PTPRD: variants seen among roughly 807,000 people sequenced by gnomAD.
The protein encoded by PTPRD is receptor-type tyrosine-protein phosphatase delta.
A neutral mutation model predicts 214.5 loss-of-function variants in PTPRD; 34 were observed. The observed-to-expected ratio is 0.16, with a 90% confidence interval of 0.12 to 0.21. The LOEUF (loss-of-function observed/expected upper bound fraction) is 0.21. Among genes scored for constraint, PTPRD ranks in the 10% least tolerant of loss-of-function variants. The pLI, the probability that PTPRD is intolerant of heterozygous loss-of-function variation, is 1.00. For synonymous variants in PTPRD, 1,128 were observed against 845.7 expected (o/e 1.33, Z -5.79); for missense variants, 2,545 against 2,398.7 (o/e 1.06, Z -1.27).
intron 2 of PTPRD, among the ~76,000 whole-genome samples, chr9:10,582,398 C>T (rs2072229516): frequency 6.6e-6 from 1 of 152,162 alleles, no homozygotes; most frequent in East Asian, 1.9e-4. Flanking sequence ...CAAAGTTATG[C>T]TAATATCAAT....
intron 10 of PTPRD, among the ~76,000 whole-genome samples, chr9:9,104,402 T>G (rs2099795607): frequency 6.6e-6 from 1 of 152,236 alleles, no homozygotes; most frequent in South Asian, 2.1e-4. Flanking sequence ...AAGATGGCTT[T>G]AGCCAACAGA....
At chr9:8,434,087 A>C (rs772705112) in intron 35 of PTPRD, among the ~76,000 whole-genome samples, 8 of 152,058 alleles carry the variant, frequency 5.3e-5, no homozygotes, top group Non-Finnish European at 1.2e-4. Context: ...GGTTCAAGCG[A>C]TTTTCCTGCC....
At chr9:9,685,520 T>G (rs1285203585) in intron 7 of PTPRD, among the ~76,000 whole-genome samples, 1 of 151,344 alleles carries the variant, frequency 6.6e-6, no homozygotes, top group Non-Finnish European at 1.5e-5. Context: ...GATATATATT[T>G]GAACTTAATT....
rs191324326 is a variant in PTPRD, at chr9:10,416,015, C to A, written c.-599-74998G>T. ...TTCCAAAATTAATTTTGAGAGACAA[C>A]AGAGACATTTTTTTCAAAGATAAGA... On this transcript the variant is annotated intron_variant, in intron 2 of 45. Coordinates refer to ENST00000381196, the MANE Select transcript of PTPRD (RefSeq NM_002839.4). Among the ~76,000 whole-genome samples the A allele has an allele frequency of 1.4e-3, 206 of 151,782 alleles. 2 individuals carry two copies. Among genetic ancestry groups the A allele is most frequent in the African/African-American group, 4.9e-3 (203 of 41,444 alleles).
At position 9,345,396 on chromosome 9, in the gene PTPRD, G is replaced by C. The variant is rs192612341; in HGVS notation, c.-203+52053C>G. 1.7e-3 allele frequency among the ~76,000 whole-genome samples: 256 copies of C among 152,138 alleles called. 1 individual carries two copies. Among genetic ancestry groups the C allele is most frequent in the African/African-American group, 5.6e-3 (232 of 41,528 alleles). ...ATCAGTATGAGACATGGGCAGAGGAGGCATGAAGGCAGAGGCTCAAGTACA... is the reference window on the plus strand; with the variant it reads ...ATCAGTATGAGACATGGGCAGAGGACGCATGAAGGCAGAGGCTCAAGTACA... On this transcript the variant is annotated intron_variant, in intron 9 of 45. Transcript: ENST00000381196.
chr9:10,137,946 T>C (rs976354860), intron 3 of PTPRD, among the ~76,000 whole-genome samples: 12 of 151,920 alleles, frequency 7.9e-5, no homozygotes, highest in Admixed American at 5.3e-4. Flanking sequence ...CTTAGAAATA[T>C]ACCAAATTAA....
At chr9:9,371,339 G>T (rs2059439472) in intron 9 of PTPRD, among the ~76,000 whole-genome samples, 1 of 152,076 alleles carries the variant, frequency 6.6e-6, no homozygotes, top group Non-Finnish European at 1.5e-5. Context: ...GTTTAGCGTT[G>T]GGAGGTTGTA....
At chr9:8,832,007 G>A (rs925503243) in intron 11 of PTPRD, among the ~76,000 whole-genome samples, 2 of 152,118 alleles carry the variant, frequency 1.3e-5, no homozygotes, top group South Asian at 4.1e-4. Context: ...CAGCATGACA[G>A]ATAAAAGGCA....
intron 3 of PTPRD, among the ~76,000 whole-genome samples, chr9:10,150,824 T>C (rs1023354482): frequency 6.6e-6 from 1 of 152,050 alleles, no homozygotes; most frequent in African/African-American, 2.4e-5. Context: ...GGTAGTAAGA[T>C]AACTTGTTTA....
chr9:10,134,330 C>A (rs2098926062), intron 3 of PTPRD, among the ~76,000 whole-genome samples: 1 of 152,138 alleles, frequency 6.6e-6, no homozygotes, highest in Admixed American at 6.5e-5. Context: ...ATGGGTGTGG[C>A]ACCAGTGATT....
At chr9:9,714,153 G>T (rs372085557) in intron 7 of PTPRD, among the ~76,000 whole-genome samples, 2 of 149,716 alleles carry the variant, frequency 1.3e-5, no homozygotes, top group East Asian at 3.9e-4. Context: ...AAAGCTTCCT[G>T]TATTTAAAGC....
intron 4 of PTPRD, among the ~76,000 whole-genome samples, chr9:9,939,522 A>T (rs2090773083): frequency 6.6e-6 from 1 of 152,146 alleles, no homozygotes; most frequent in Non-Finnish European, 1.5e-5. Flanking sequence ...TGCTTATCTG[A>T]ATCTTCAAAA....
At chr9:8,335,449 G>A (rs1179322764) in intron 43 of PTPRD, among the ~76,000 whole-genome samples, 26 of 152,062 alleles carry the variant, frequency 1.7e-4, no homozygotes, top group East Asian at 3.9e-4. Context: ...ACACCACTTT[G>A]TGCTAACAAC....
chr9:9,738,439 CTTTTTTTTT>C (rs71319292), intron 6 of PTPRD, among the ~76,000 whole-genome samples: 3 of 76,518 alleles, frequency 3.9e-5, no homozygotes, highest in South Asian at 5.4e-4. Flanking sequence ...CACTCACTCA[CTTTTTTTTT>C]TTTTTTTTTT....
intron 5 of PTPRD, among the ~76,000 whole-genome samples, chr9:9,923,965 A>T (rs1602317174): frequency 6.6e-6 from 1 of 152,048 alleles, no homozygotes. Flanking sequence ...AAATCTAAAC[A>T]TATGAAGGAT....
At chr9:9,827,104 ATCC>A (rs1161587753) in intron 5 of PTPRD, among the ~76,000 whole-genome samples, 4 of 152,080 alleles carry the variant, frequency 2.6e-5, no homozygotes, top group African/African-American at 2.4e-5. Context: ...ACTCAATGCC[ATCC>A]TCCCCATCAA....
intron 9 of PTPRD, among the ~76,000 whole-genome samples, chr9:9,358,911 T>C (rs2054907903): frequency 6.6e-6 from 1 of 151,372 alleles, no homozygotes; most frequent in South Asian, 2.1e-4. Flanking sequence ...CCAACCTTAC[T>C]GTTGCACCTC....
rs76162059 is a variant in PTPRD at position 9,383,931 on chromosome 9, G to C, written c.-203+13518C>G. ...TTTTTGCAACAGTAATTCAATGCTT[G>C]TTCCAGAAGTGATATCTAACCCTGC... is the stretch of plus-strand genomic sequence containing the variant. On this transcript the variant is annotated intron_variant, in intron 9 of 45. Coordinates refer to ENST00000381196, the MANE Select transcript of PTPRD (RefSeq NM_002839.4). 2.2e-3 allele frequency among the ~76,000 whole-genome samples: 338 copies of C among 152,020 alleles called. 4 individuals carry two copies. Among genetic ancestry groups the C allele is most frequent in the Non-Finnish European group, 4.0e-3 (274 of 67,948 alleles).
At chr9:9,391,851 C>T (rs978758764) in intron 9 of PTPRD, among the ~76,000 whole-genome samples, 38 of 152,080 alleles carry the variant, frequency 2.5e-4, no homozygotes, top group African/African-American at 8.9e-4. Flanking sequence ...CCGTTTGTTC[C>T]TTTCTGCCTT....
Sources: allele counts gnomAD v4.1 joint callset (sites outside exome capture counted in the v4.1 genomes callset), GRCh38; gene constraint gnomAD v4.1.1; transcripts MANE v1.5; gene names NCBI Gene and HGNC (gene_info 2026-07-23, HGNC 2026-07-21).